CCSER1: variants seen among roughly 807,000 people sequenced by gnomAD.
CCSER1 encodes serine-rich coiled-coil domain-containing protein 1.
In CCSER1, 41 loss-of-function variants were observed where a neutral mutation model predicts 82.0. That is an observed-to-expected ratio of 0.50 (90% confidence interval 0.39 to 0.65). The LOEUF (loss-of-function observed/expected upper bound fraction) is 0.65. CCSER1 is among the 30% of genes least tolerant of loss of function. The pLI is 0.00. For synonymous variants in CCSER1, 414 were observed against 383.9 expected (o/e 1.08, Z -0.92); for missense variants, 1,119 against 1,064.2 (o/e 1.05, Z -0.72).
At chr4:90,684,960 C>T (rs1734544198) in intron 6 of CCSER1, among the ~76,000 whole-genome samples, 1 of 152,078 alleles carries the variant, frequency 6.6e-6, no homozygotes, top group African/African-American at 2.4e-5. Flanking sequence ...CCATTAATCC[C>T]TTTTTCCTGT....
At chr4:90,156,426 G>A (rs577099951) in intron 1 of CCSER1, among the ~76,000 whole-genome samples, 28 of 152,116 alleles carry the variant, frequency 1.8e-4, no homozygotes, top group Non-Finnish European at 3.2e-4. Context: ...CCTGTGTATC[G>A]TTGTTAACTT....
intron 6 of CCSER1, among the ~76,000 whole-genome samples, chr4:90,719,359 G>A (rs1344183691): frequency 1.3e-5 from 2 of 152,028 alleles, no homozygotes; most frequent in Non-Finnish European, 2.9e-5. Flanking sequence ...GGCTCCTACT[G>A]ATTCCACATT....
At chr4:90,364,666 C>A (rs1332598553) in intron 3 of CCSER1, among the ~76,000 whole-genome samples, 1 of 151,812 alleles carries the variant, frequency 6.6e-6, no homozygotes, top group South Asian at 2.1e-4. Flanking sequence ...AGCCCTAATT[C>A]ACAAGTTGGG....
chr4:90,790,346 T>G (rs1297484401), intron 7 of CCSER1, among the ~76,000 whole-genome samples: 1 of 152,190 alleles, frequency 6.6e-6, no homozygotes, highest in Non-Finnish European at 1.5e-5. Flanking sequence ...AAACATAATT[T>G]ATTGTTATGG....
At chr4:91,542,913 C>G (rs957829517) in intron 10 of CCSER1, among the ~76,000 whole-genome samples, 2 of 151,956 alleles carry the variant, frequency 1.3e-5, no homozygotes, top group Admixed American at 6.6e-5. Flanking sequence ...TTAAAGTCTC[C>G]CATTATTATT....
At chr4:90,250,602 A>G (rs1722215096) in intron 1 of CCSER1, among the ~76,000 whole-genome samples, 1 of 152,048 alleles carries the variant, frequency 6.6e-6, no homozygotes, top group South Asian at 2.1e-4. Context: ...TCACAGTGTC[A>G]TGATTACTGT....
Position 91,313,376 on chromosome 4 carries a change from A to G in CCSER1, c.2217+227382A>G, listed in dbSNP as rs527962217. 1.5e-4 allele frequency among the ~76,000 whole-genome samples: 23 copies of G among 151,802 alleles called. No homozygotes were observed. In the East Asian group the frequency reaches 4.5e-3, roughly 30 times the overall value. On this transcript the variant is annotated intron_variant, in intron 10 of 10. Coordinates refer to ENST00000509176, the MANE Select transcript of CCSER1 (RefSeq NM_001145065.2). ...CCTTCTCTTTGTTTGCATTCTTTCTATCACTTCTTTCTAAAGATCTTATTT... is the reference window on the plus strand; with the variant it reads ...CCTTCTCTTTGTTTGCATTCTTTCTGTCACTTCTTTCTAAAGATCTTATTT...
chr4:90,537,569 G>A (rs74922711), intron 5 of CCSER1, among the ~76,000 whole-genome samples: 168 of 151,972 alleles, frequency 1.1e-3, no homozygotes, highest in African/African-American at 3.4e-3. Context: ...TCTTATTTGC[G>A]TATATTTAAT....
intron 10 of CCSER1, among the ~76,000 whole-genome samples, chr4:91,310,061 T>C (rs1220147958): frequency 6.6e-6 from 1 of 151,976 alleles, no homozygotes; most frequent in African/African-American, 2.4e-5. Flanking sequence ...TCTCCTTATG[T>C]GGTTGTCTCT....
intron 6 of CCSER1, among the ~76,000 whole-genome samples, chr4:90,656,008 A>T (rs1729634092): frequency 6.6e-6 from 1 of 151,958 alleles, no homozygotes; most frequent in Admixed American, 6.6e-5. Context: ...CAAGTAGAGA[A>T]TAATTTAATT....
At chr4:90,180,015 A>G (rs1228008870) in intron 1 of CCSER1, among the ~76,000 whole-genome samples, 1 of 151,986 alleles carries the variant, frequency 6.6e-6, no homozygotes, top group Admixed American at 6.6e-5. Context: ...AAGATTAAAA[A>G]ATAGACTAAA....
intron 1 of CCSER1, among the ~76,000 whole-genome samples, chr4:90,274,635 C>A (rs1727201642): frequency 6.6e-6 from 1 of 151,882 alleles, no homozygotes; most frequent in South Asian, 2.1e-4. Context: ...CTACGAGATC[C>A]AAAGTATATT....
chr4:91,115,415 C>G (rs1561560360), intron 10 of CCSER1, among the ~76,000 whole-genome samples: 1 of 152,062 alleles, frequency 6.6e-6, no homozygotes, highest in Non-Finnish European at 1.5e-5. Context: ...CAACCTCCAT[C>G]TCCCACATTC....
chr4:91,220,607 TGTTCAGTGAGCAATTTACTA>T (rs1304169477), intron 10 of CCSER1, among the ~76,000 whole-genome samples: 1 of 152,202 alleles, frequency 6.6e-6, no homozygotes, highest in Non-Finnish European at 1.5e-5. Context: ...AGTAGTTTAC[TGTTCAGTGAGCAATTTACTA>T]GTTCAACAAC....
At chr4:90,222,857 T>C (rs1742407205) in intron 1 of CCSER1, among the ~76,000 whole-genome samples, 1 of 151,958 alleles carries the variant, frequency 6.6e-6, no homozygotes, top group South Asian at 2.1e-4. Flanking sequence ...TTTGCCAATT[T>C]CCCCCAGTGC....
intron 10 of CCSER1, among the ~76,000 whole-genome samples, chr4:91,417,937 AATC>A (rs1753463733): frequency 6.6e-6 from 1 of 152,194 alleles, no homozygotes; most frequent in Non-Finnish European, 1.5e-5. Context: ...AGAAGCTTGA[AATC>A]ATATCAAGTA....
intron 1 of CCSER1, among the ~76,000 whole-genome samples, chr4:90,246,714 T>C (rs1424101327): frequency 6.6e-6 from 1 of 152,198 alleles, no homozygotes; most frequent in Non-Finnish European, 1.5e-5. Flanking sequence ...AAGTTTAATA[T>C]ATAAATTAGG....
chr4:90,331,280 G>C (rs1375504053), intron 3 of CCSER1, among the ~76,000 whole-genome samples: 3 of 151,892 alleles, frequency 2.0e-5, no homozygotes, highest in African/African-American at 7.3e-5. Flanking sequence ...AAATTAAAGA[G>C]AGTGTTAAAA....
chr4:90,151,935 T>G (rs1470989807), intron 1 of CCSER1, among the ~76,000 whole-genome samples: 1 of 152,140 alleles, frequency 6.6e-6, no homozygotes, highest in Non-Finnish European at 1.5e-5. Context: ...AGGTAGAATA[T>G]AAACACTATA....
Sources: allele counts gnomAD v4.1 joint callset (sites outside exome capture counted in the v4.1 genomes callset), GRCh38; gene constraint gnomAD v4.1.1; transcripts MANE v1.5; gene names NCBI Gene and HGNC (gene_info 2026-07-23, HGNC 2026-07-21).